Variants in ASCC1 observed in about 807,000 individuals in gnomAD.
The protein encoded by ASCC1 is ASC-1 complex subunit P50.
ASCC1 carries 35 observed loss-of-function variants against 46.6 expected under a neutral mutation model. The observed-to-expected ratio is 0.75, with a 90% confidence interval of 0.57 to 0.99. The LOEUF (loss-of-function observed/expected upper bound fraction) is 0.99, where lower values mean the gene tolerates loss of function less well. Among genes scored for constraint, ASCC1 ranks in the 50% least tolerant of loss-of-function variants. ASCC1 has a pLI of 0.00. For synonymous variants in ASCC1, 143 were observed against 146.6 expected (o/e 0.98, Z 0.18); for missense variants, 376 against 428.7 (o/e 0.88, Z 1.09).
chr10:72,146,465 G>A (rs954427421), intron 7 of ASCC1, among the ~76,000 whole-genome samples: 3 of 152,180 alleles, frequency 2.0e-5, no homozygotes, highest in Non-Finnish European at 4.4e-5. Context: ...ATGAAAATAG[G>A]TGAACTGTGA....
rs570331392 is a variant in ASCC1, at chr10:72,144,165, TG to T, written c.746+8703del. Among the ~76,000 whole-genome samples the T allele has an allele frequency of 3.9e-5, 6 of 152,080 alleles. No individual in the cohort carries two copies. In the South Asian group the frequency reaches 1.2e-3, roughly 32 times the overall value. On this transcript the variant is annotated intron_variant, in intron 7 of 9. Transcript: ENST00000672957. The stretch of plus-strand genomic sequence containing the variant: ...CTAATTTTTGTATTTTTAGTAGAGA[TG>T]GGGTTTCACCATCTTGGCCAGGCTG...
chr10:72,127,828 C>T (rs1490148970), intron 9 of ASCC1, among the ~76,000 whole-genome samples: 3 of 151,976 alleles, frequency 2.0e-5, no homozygotes, highest in African/African-American at 7.3e-5. Flanking sequence ...TGCACTCCAG[C>T]GTGAGCAACA....
Position 72,141,757 on chromosome 10 carries a change from G to A in ASCC1, c.747-8576C>T, listed in dbSNP as rs78952086. Among the ~76,000 whole-genome samples the A allele has an allele frequency of 6.6e-4, 100 of 151,932 alleles. 2 individuals carry two copies. The East Asian group carries it at 0.014, about 21-fold the overall frequency. ...TTGTACCCATTTTTGTTTCCCTTAC[G>A]GTATCTGATACAATGCCTGGTACTT... On this transcript the variant is annotated intron_variant, in intron 7 of 9. Coordinates refer to ENST00000672957, the MANE Select transcript of ASCC1 (RefSeq NM_001198800.3).
chr10:72,183,494 CA>C (rs1216019009), intron 5 of ASCC1, among the ~76,000 whole-genome samples: 3 of 151,886 alleles, frequency 2.0e-5, no homozygotes, highest in African/African-American at 7.3e-5. Flanking sequence ...CCCATCTCTA[CA>C]AAAATTAGCT....
At chr10:72,110,068 T>G (rs1410702302) in intron 9 of ASCC1, among the ~76,000 whole-genome samples, 2 of 152,230 alleles carry the variant, frequency 1.3e-5, no homozygotes, top group Non-Finnish European at 2.9e-5. Context: ...TCTTCAAGCC[T>G]GTGACTAGCA....
chr10:72,122,487 C>G (rs1431678739), intron 9 of ASCC1, among the ~76,000 whole-genome samples: 1 of 151,084 alleles, frequency 6.6e-6, no homozygotes, highest in African/African-American at 2.4e-5. Flanking sequence ...AAGACCTTAG[C>G]TACCACACCC....
intron 8 of ASCC1, among the ~76,000 whole-genome samples, chr10:72,131,115 G>A (rs937302067): frequency 2.6e-5 from 4 of 152,050 alleles, no homozygotes; most frequent in East Asian, 1.9e-4. Context: ...ACTACTCCCC[G>A]AAGGAAAGAA....
chr10:72,155,519 T>C (rs1396379949), intron 6 of ASCC1, among the ~76,000 whole-genome samples: 1 of 152,210 alleles, frequency 6.6e-6, no homozygotes, highest in African/African-American at 2.4e-5. Context: ...GCTCATCAAC[T>C]ACACCTAAGA....
Position 72,152,871 on chromosome 10 carries a change from G to A in ASCC1, c.744C>T (p.Asn248=), listed in dbSNP as rs1354195731. Residue 248 remains asparagine (N), a splice_region_variant and synonymous_variant, in exon 7 of 10, where the codon AAC becomes AAT. Transcript: ENST00000672957. ...AAAGAAGCATTCCAGAAATATACCT[G>A]TTGGAGCCATCTTTCATATGGACTT... ...YAKVHMKDGS[N]RLQELVDRVL... is the part of the protein sequence containing the mutation. 2 of 1,613,984 alleles carry A rather than the reference G, an allele frequency of 1.2e-6. No homozygotes were observed. Among genetic ancestry groups the A allele is most frequent in the Non-Finnish European group, 1.7e-6 (2 of 1,180,018 alleles).
Position 72,133,156 on chromosome 10 carries a change from G to A in ASCC1, c.772C>T (p.Leu258=). Residue 258 remains leucine (L), a synonymous_variant, in exon 8 of 10, where the codon CTG becomes TTG. Coordinates refer to ENST00000672957, the MANE Select transcript of ASCC1 (RefSeq NM_001198800.3). Reference sequence around the variant, plus strand: ...AGTCCAGATGCCTGAAAACGTTCCAGCACTCGATCAACTAATTCTTGTAGC... The same window carrying A: ...AGTCCAGATGCCTGAAAACGTTCCAACACTCGATCAACTAATTCTTGTAGC... The part of the protein sequence containing the change: ...NRLQELVDRV[L]ERFQASGLIV... 1 of 1,613,998 alleles carries A rather than the reference G, an allele frequency of 6.2e-7. No homozygotes were observed. The highest frequency in any genetic ancestry group is 8.5e-7 in the Non-Finnish European group (1 of 1,179,894).
rs561121325 is a variant in ASCC1 at position 72,173,300 on chromosome 10, C to T, written c.490-11626G>A. Among the ~76,000 whole-genome samples the T allele has an allele frequency of 6.3e-4, 96 of 152,154 alleles. 1 individual carries two copies. Among genetic ancestry groups the T allele is most frequent in the South Asian group, 2.1e-3 (10 of 4,826 alleles). ...TTCAACTTTCTCTTGCATAAATTTG[C>T]TCTAATACCCAGCTAGAAAAAGGAA... On this transcript the variant is annotated intron_variant, in intron 5 of 9. Transcript: ENST00000672957.
intron 5 of ASCC1, among the ~76,000 whole-genome samples, chr10:72,171,890 TGGGGAA>T (rs769173193): frequency 1.2e-3 from 177 of 152,290 alleles, no homozygotes; most frequent in Admixed American, 2.6e-3. Flanking sequence ...AAGGCATCTT[TGGGGAA>T]ATACACTTGG....
chr10:72,181,979 C>A (rs958286231), intron 5 of ASCC1, among the ~76,000 whole-genome samples: 1 of 152,126 alleles, frequency 6.6e-6, no homozygotes, highest in Non-Finnish European at 1.5e-5. Context: ...AGCCACCGCA[C>A]CCGGCCTCCA....
chr10:72,118,497 T>C (rs1416703770), intron 9 of ASCC1, among the ~76,000 whole-genome samples: 1 of 151,020 alleles, frequency 6.6e-6, no homozygotes, highest in Non-Finnish European at 1.5e-5. Context: ...ATACACTTTC[T>C]GGCTGGGCAT....
At position 72,190,107 on chromosome 10, in the gene ASCC1, A is replaced by C. The variant is rs1854187815; in HGVS notation, c.489+6704T>G. 3.9e-6 allele frequency: 3 copies of C among 759,594 alleles called. No homozygotes were observed. In the East Asian group the frequency reaches 7.3e-5, roughly 18 times the overall value. The allele number at this position is 759,594 out of a possible 1,614,324, so 47.1% of individuals were successfully genotyped here. ...GCGCAGCAACTGGGCTGCAAGACCA[A>C]GCAAGGTTACATTATATATAGGATT... On this transcript the variant is annotated intron_variant, in intron 5 of 9. Transcript: ENST00000672957.
At chr10:72,191,879 C>CTCAAG in intron 5 of ASCC1, among the ~76,000 whole-genome samples, 1 of 151,776 alleles carries the variant, frequency 6.6e-6, no homozygotes, top group South Asian at 2.1e-4. Context: ...AACTCCTGAC[C>CTCAAG]TCAAGTGATC....
chr10:72,179,080 C>A (rs1304844429), intron 5 of ASCC1, among the ~76,000 whole-genome samples: 4 of 151,984 alleles, frequency 2.6e-5, no homozygotes, highest in Non-Finnish European at 5.9e-5. Context: ...GAATAATAAC[C>A]CAAGCAAAAG....
At chr10:72,131,439 TACACACAC>T (rs71927487) in intron 8 of ASCC1, among the ~76,000 whole-genome samples, 36 of 139,418 alleles carry the variant, frequency 2.6e-4, no homozygotes, top group South Asian at 4.8e-4. Flanking sequence ...AAAATAAAAA[TACACACAC>T]ACACACACAC....
At chr10:72,112,208 T>G (rs56054493) in intron 9 of ASCC1, among the ~76,000 whole-genome samples, 2 of 152,212 alleles carry the variant, frequency 1.3e-5, no homozygotes, top group Non-Finnish European at 2.9e-5. Flanking sequence ...AAACACACAA[T>G]GCAGAATATA....
Sources: allele counts gnomAD v4.1 joint callset (sites outside exome capture counted in the v4.1 genomes callset), GRCh38; gene constraint gnomAD v4.1.1; transcripts MANE v1.5; gene names NCBI Gene and HGNC (gene_info 2026-07-23, HGNC 2026-07-21).